DLGAP2: variants seen among roughly 807,000 people sequenced by gnomAD.
DLGAP2 encodes disks large-associated protein 2.
A neutral mutation model predicts 100.3 loss-of-function variants in DLGAP2; 26 were observed. That is an observed-to-expected ratio of 0.26 (90% confidence interval 0.19 to 0.36). The LOEUF is 0.36. Among genes scored for constraint, DLGAP2 ranks in the 10% least tolerant of loss-of-function variants. The probability of loss-of-function intolerance (pLI) is 1.00; values close to 1 mark genes in which losing one functional copy is unlikely to be tolerated. For synonymous variants in DLGAP2, 886 were observed against 630.1 expected (o/e 1.41, Z -6.08); for missense variants, 1,858 against 1,453.2 (o/e 1.28, Z -4.53).
At chr8:1,038,653 G>T (rs1164273240) in intron 2 of DLGAP2, among the ~76,000 whole-genome samples, 2 of 152,198 alleles carry the variant, frequency 1.3e-5, no homozygotes, top group Non-Finnish European at 2.9e-5. Flanking sequence ...ATTTCACAAT[G>T]TGCCTCCCTG....
chr8:884,761 T>C (rs923510825), intron 1 of DLGAP2, among the ~76,000 whole-genome samples: 1 of 152,272 alleles, frequency 6.6e-6, no homozygotes, highest in Non-Finnish European at 1.5e-5. Flanking sequence ...TTTATCGTTT[T>C]GGATTTTAAA....
chr8:769,704 G>T (rs961854698), intron 1 of DLGAP2, among the ~76,000 whole-genome samples: 1 of 152,146 alleles, frequency 6.6e-6, no homozygotes, highest in Non-Finnish European at 1.5e-5. Context: ...AGGGGCAACA[G>T]AGACACTCAT....
intron 13 of DLGAP2, among the ~76,000 whole-genome samples, chr8:1,696,824 C>A (rs1483484843): frequency 1.3e-5 from 2 of 152,212 alleles, no homozygotes; most frequent in Admixed American, 1.3e-4. Flanking sequence ...TCCGAATCAT[C>A]CACAGGTGAC....
chr8:881,666 A>ATATATATATATAT, intron 1 of DLGAP2, among the ~76,000 whole-genome samples: 13 of 131,050 alleles, frequency 9.9e-5, no homozygotes, highest in African/African-American at 3.5e-4. Flanking sequence ...CTTGTGGCTG[A>ATATATATATATAT]ACACACACAC....
intron 2 of DLGAP2, among the ~76,000 whole-genome samples, chr8:998,211 T>C (rs1800842666): frequency 6.6e-6 from 1 of 152,214 alleles, no homozygotes; most frequent in South Asian, 2.1e-4. Context: ...CACATACACA[T>C]GCATGCATGC....
intron 1 of DLGAP2, among the ~76,000 whole-genome samples, chr8:770,119 T>A (rs13256070): frequency 0.27 from 40,590 of 152,184 alleles, 6,567 homozygotes; most frequent in Non-Finnish European, 0.36. Context: ...TTTTGTACGT[T>A]TTTATAAAGA....
At position 1,585,457 on chromosome 8, in the gene DLGAP2, GA is replaced by G. The variant is rs200843382; in HGVS notation, c.1442+19572del. On this transcript the variant is annotated intron_variant, in intron 6 of 14. Coordinates refer to ENST00000637795, the MANE Select transcript of DLGAP2 (RefSeq NM_001346810.2). ...CCAGCCTGGGCAAAAGACCGAAAAA[GA>G]AAAAAAAATACTCCTTAGGGCTGTC... Among the ~76,000 whole-genome samples, 314 of 151,296 alleles carry G rather than the reference GA, an allele frequency of 2.1e-3. 1 individual carries two copies. Among genetic ancestry groups the G allele is most frequent in the African/African-American group, 7.1e-3 (292 of 41,218 alleles).
intron 2 of DLGAP2, among the ~76,000 whole-genome samples, chr8:1,193,717 A>G (rs1217163957): frequency 2.6e-5 from 4 of 152,056 alleles, no homozygotes; most frequent in African/African-American, 9.6e-5. Context: ...TCTGCACCTG[A>G]GACTCCCGGA....
At chr8:1,429,722 C>A (rs73172522) in intron 3 of DLGAP2, among the ~76,000 whole-genome samples, 1 of 151,246 alleles carries the variant, frequency 6.6e-6, no homozygotes, top group South Asian at 2.1e-4. Flanking sequence ...CCAAGCAGAC[C>A]TCTACTCCCC....
intron 1 of DLGAP2, among the ~76,000 whole-genome samples, chr8:845,434 A>G (rs1323656689): frequency 6.6e-6 from 1 of 152,308 alleles, no homozygotes; most frequent in Middle Eastern, 3.4e-3. Flanking sequence ...ACATCTTTCC[A>G]TGTGCTTGTT....
At chr8:1,195,999 G>A (rs1305259850) in intron 2 of DLGAP2, among the ~76,000 whole-genome samples, 3 of 152,210 alleles carry the variant, frequency 2.0e-5, no homozygotes, top group Admixed American at 1.3e-4. Context: ...GGATGCTCAC[G>A]TTCGTGAGCA....
At chr8:837,499 C>A (rs781397284) in intron 1 of DLGAP2, among the ~76,000 whole-genome samples, 12 of 152,020 alleles carry the variant, frequency 7.9e-5, no homozygotes, top group Non-Finnish European at 1.8e-4. Flanking sequence ...ATTTTTATAG[C>A]GTGTTCATCA....
chr8:1,087,939 C>T (rs79709816), intron 2 of DLGAP2, among the ~76,000 whole-genome samples: 1 of 152,202 alleles, frequency 6.6e-6, no homozygotes, highest in Non-Finnish European at 1.5e-5. Context: ...GCCCTCAGGG[C>T]ACAATGTCAG....
intron 2 of DLGAP2, among the ~76,000 whole-genome samples, chr8:1,009,455 G>C (rs1423384720): frequency 6.6e-6 from 1 of 152,184 alleles, no homozygotes; most frequent in African/African-American, 2.4e-5. Flanking sequence ...AATACCCTAG[G>C]ACAGACTTTT....
chr8:1,585,367 GCC>G (rs1796084667), intron 6 of DLGAP2, among the ~76,000 whole-genome samples: 3 of 152,028 alleles, frequency 2.0e-5, no homozygotes, highest in Admixed American at 6.5e-5. Flanking sequence ...AGGTGGCCGA[GCC>G]AGGAGAATTG....
At chr8:1,523,870 T>A (rs1258508974) in intron 4 of DLGAP2, among the ~76,000 whole-genome samples, 1 of 152,214 alleles carries the variant, frequency 6.6e-6, no homozygotes, top group African/African-American at 2.4e-5. Flanking sequence ...TTCAATTCAG[T>A]AACCGCATAG....
chr8:1,307,447 G>A (rs1461135108), intron 3 of DLGAP2, among the ~76,000 whole-genome samples: 2 of 152,150 alleles, frequency 1.3e-5, no homozygotes, highest in Non-Finnish European at 2.9e-5. Context: ...TTCCCATCAT[G>A]GAAAATGATA....
intron 2 of DLGAP2, among the ~76,000 whole-genome samples, chr8:1,155,484 C>T (rs1012380097): frequency 6.6e-6 from 1 of 152,264 alleles, no homozygotes; most frequent in South Asian, 2.1e-4. Flanking sequence ...CTCTCGGAAT[C>T]TTGGAGGGAA....
At chr8:1,520,722 C>T (rs1348873849) in intron 4 of DLGAP2, among the ~76,000 whole-genome samples, 1 of 152,160 alleles carries the variant, frequency 6.6e-6, no homozygotes, top group African/African-American at 2.4e-5. Flanking sequence ...TTCATTTTAG[C>T]ACTGAATAAT....
Sources: allele counts gnomAD v4.1 joint callset (sites outside exome capture counted in the v4.1 genomes callset), GRCh38; gene constraint gnomAD v4.1.1; transcripts MANE v1.5; gene names NCBI Gene and HGNC (gene_info 2026-07-23, HGNC 2026-07-21).